THSD4: variants seen among roughly 807,000 people sequenced by gnomAD.
THSD4 encodes the protein thrombospondin type-1 domain-containing protein 4.
THSD4 carries 69 observed loss-of-function variants against 119.0 expected under a neutral mutation model. The observed-to-expected ratio is 0.58, with a 90% CI of 0.48 to 0.71. The LOEUF (loss-of-function observed/expected upper bound fraction) is 0.71, where lower values mean the gene tolerates loss of function less well. Ranked by LOEUF, THSD4 falls within the 30% of genes least tolerant of loss-of-function variation. THSD4 has a pLI of 0.00. For missense variants in THSD4, 1,393 were observed against 1,391.1 expected (o/e 1.00, Z -0.02); for synonymous variants, 524 against 540.4 (o/e 0.97, Z 0.42).
intron 7 of THSD4, among the ~76,000 whole-genome samples, chr15:71,438,523 T>G (rs774929581): frequency 1.3e-5 from 2 of 152,240 alleles, no homozygotes; most frequent in Admixed American, 6.5e-5. Context: ...CATTTGGAAT[T>G]TATCCTAGTG....
In THSD4 at chr15:71,701,276, C is replaced by G. The variant is rs545432931; in HGVS notation, c.1358-27273C>G. Reference sequence around the variant, plus strand: ...TAAATATATGAAAAGATATTTATTACCCACTAGTAATCAGGACAATTCAGA... The same window carrying G: ...TAAATATATGAAAAGATATTTATTAGCCACTAGTAATCAGGACAATTCAGA... On this transcript the variant is annotated intron_variant, in intron 8 of 17. Coordinates refer to ENST00000261862, the MANE Select transcript of THSD4 (RefSeq NM_024817.3). Among the ~76,000 whole-genome samples, 4 of 152,286 alleles carry G rather than the reference C, an allele frequency of 2.6e-5. No individual in the cohort carries two copies. In the South Asian group the frequency reaches 8.3e-4, roughly 32 times the overall value.
intron 8 of THSD4, among the ~76,000 whole-genome samples, chr15:71,691,611 T>C (rs1490773035): frequency 6.6e-6 from 1 of 152,228 alleles, no homozygotes; most frequent in Non-Finnish European, 1.5e-5. Context: ...AGGATTAAAC[T>C]ACAGAATGTA....
chr15:71,694,434 T>C (rs559447331), intron 8 of THSD4, among the ~76,000 whole-genome samples: 29 of 152,358 alleles, frequency 1.9e-4, no homozygotes, highest in South Asian at 1.9e-3. Flanking sequence ...TCTTTTAACA[T>C]GGTTAAGCTT....
At chr15:71,458,784 T>C (rs528597206) in intron 7 of THSD4, among the ~76,000 whole-genome samples, 1 of 152,330 alleles carries the variant, frequency 6.6e-6, no homozygotes, top group South Asian at 2.1e-4. Context: ...GGAGAAAGCA[T>C]GGAAGACATT....
chr15:71,167,645 C>G (rs1400545904), intron 3 of THSD4, among the ~76,000 whole-genome samples: 2 of 152,164 alleles, frequency 1.3e-5, no homozygotes, highest in African/African-American at 4.8e-5. Context: ...TGCTGACCCA[C>G]TGTTTTGTGG....
chr15:71,435,375 T>G (rs1053200070), intron 7 of THSD4, among the ~76,000 whole-genome samples: 3 of 152,220 alleles, frequency 2.0e-5, no homozygotes, highest in African/African-American at 2.4e-5. Context: ...ATTTCTGCCT[T>G]TTAAAAATCT....
chr15:71,308,575 C>T (rs1250578787), intron 6 of THSD4, among the ~76,000 whole-genome samples: 1 of 152,148 alleles, frequency 6.6e-6, no homozygotes, highest in Non-Finnish European at 1.5e-5. Context: ...TCCATGTGTT[C>T]ATGTGGATCA....
chr15:71,180,287 AC>A (rs1305821265), intron 3 of THSD4, among the ~76,000 whole-genome samples: 1 of 152,214 alleles, frequency 6.6e-6, no homozygotes, highest in African/African-American at 2.4e-5. Flanking sequence ...TAGAGAACTT[AC>A]AAAATTCAAC....
At chr15:71,296,718 A>C (rs1169572773) in intron 6 of THSD4, among the ~76,000 whole-genome samples, 1 of 152,212 alleles carries the variant, frequency 6.6e-6, no homozygotes, top group Non-Finnish European at 1.5e-5. Flanking sequence ...AAGTGCCATA[A>C]AATCAAGGGT....
At chr15:71,624,650 C>CCA (rs755002042) in intron 7 of THSD4, among the ~76,000 whole-genome samples, 5 of 152,066 alleles carry the variant, frequency 3.3e-5, no homozygotes, top group Non-Finnish European at 7.4e-5. Context: ...TTTTATGATG[C>CCA]CTTGTTCAAG....
Position 71,589,848 on chromosome 15 carries a change from G to A in THSD4, c.1153-70682G>A, listed in dbSNP as rs1418753372. Among the ~76,000 whole-genome samples, 4 of 139,304 alleles carry A rather than the reference G, an allele frequency of 2.9e-5. 2 individuals are homozygous for A. The highest frequency in any genetic ancestry group is 1.5e-4 in the Admixed American group (2 of 13,766). The allele number at this position is 139,304 out of a possible 152,430, so 91.4% of individuals were successfully genotyped here. ...AGATAAATAAGTTGTGGCTATGCAT[G>A]TAATGAAGTACAGAGTAACACTTTA... On this transcript the variant is annotated intron_variant, in intron 7 of 17. Transcript: ENST00000261862.
At chr15:71,746,816 C>G in intron 12 of THSD4, 22 bp from the exon 13 acceptor site, 1 of 1,611,652 alleles carries the variant, frequency 6.2e-7, no homozygotes, top group Non-Finnish European at 8.5e-7. Context: ...CTCTCACTCT[C>G]GCTCTCTCAT....
chr15:71,517,258 T>A (rs955003798), intron 7 of THSD4, among the ~76,000 whole-genome samples: 2 of 152,040 alleles, frequency 1.3e-5, no homozygotes, highest in African/African-American at 4.8e-5. Flanking sequence ...CTAAACCAGC[T>A]CTCTCTCAGG....
At chr15:71,464,184 T>C (rs896179783) in intron 7 of THSD4, among the ~76,000 whole-genome samples, 6 of 152,208 alleles carry the variant, frequency 3.9e-5, no homozygotes, top group African/African-American at 1.4e-4. Flanking sequence ...CTCAGTCCTT[T>C]TTTCCCATCA....
intron 8 of THSD4, among the ~76,000 whole-genome samples, chr15:71,687,014 A>G (rs1426379257): frequency 6.6e-5 from 10 of 152,214 alleles, no homozygotes; most frequent in African/African-American, 2.4e-4. Context: ...ACCAGCACGC[A>G]GATGAACAGT....
chr15:71,543,509 G>A (rs1171193995), intron 7 of THSD4, among the ~76,000 whole-genome samples: 2 of 152,172 alleles, frequency 1.3e-5, no homozygotes, highest in African/African-American at 4.8e-5. Context: ...GAAAAAGCGA[G>A]GGAGTGGGAA....
intron 8 of THSD4, among the ~76,000 whole-genome samples, chr15:71,664,539 G>A (rs933636675): frequency 5.3e-5 from 8 of 152,130 alleles, no homozygotes; most frequent in African/African-American, 1.9e-4. Flanking sequence ...AGGTGTACAT[G>A]TGCAGGTTTT....
rs539540031 is a variant in THSD4, at chr15:71,413,228, G to A, written c.1152+1405G>A. On this transcript the variant is annotated intron_variant, in intron 7 of 17. Coordinates refer to ENST00000261862, the MANE Select transcript of THSD4 (RefSeq NM_024817.3). Reference sequence around the variant, plus strand: ...GGGTTTCACCATGTTGGCCAGGCTGGTCTTGAACCCCTGACCTCAAGTGAT... The same window carrying A: ...GGGTTTCACCATGTTGGCCAGGCTGATCTTGAACCCCTGACCTCAAGTGAT... 3.6e-3 allele frequency among the ~76,000 whole-genome samples: 542 copies of A among 152,284 alleles called. 1 individual carries two copies. The highest frequency in any genetic ancestry group is 0.034 in the Middle Eastern group (10 of 294).
At chr15:71,383,938 G>T (rs2046260333) in intron 6 of THSD4, among the ~76,000 whole-genome samples, 1 of 152,160 alleles carries the variant, frequency 6.6e-6, no homozygotes, top group African/African-American at 2.4e-5. Context: ...TCTGCAGGAA[G>T]TCCTGAACTA....
Sources: allele counts gnomAD v4.1 joint callset (sites outside exome capture counted in the v4.1 genomes callset), GRCh38; gene constraint gnomAD v4.1.1; transcripts MANE v1.5; gene names NCBI Gene and HGNC (gene_info 2026-07-23, HGNC 2026-07-21).